Variants in FHAD1 observed in about 807,000 individuals in gnomAD.
FHAD1 encodes the protein forkhead associated phosphopeptide binding domain 1.
Under a neutral mutation model 191.3 loss-of-function variants are expected in FHAD1, and 146 were observed. That is an observed-to-expected ratio of 0.76 (90% CI 0.67 to 0.88). The LOEUF (loss-of-function observed/expected upper bound fraction) is 0.88, where lower values mean the gene tolerates loss of function less well. Ranked by LOEUF, FHAD1 falls within the 40% of genes least tolerant of loss-of-function variation. FHAD1 has a pLI of 0.00. For missense variants in FHAD1, 1,635 were observed against 1,785.8 expected (o/e 0.92, Z 1.52); for synonymous variants, 616 against 672.3 (o/e 0.92, Z 1.29).
chr1:15,374,655 G>C (rs1194760523), intron 27 of FHAD1, 24 bp downstream of exon 27: 2 of 1,550,036 alleles, frequency 1.3e-6, no homozygotes, highest in Middle Eastern at 1.9e-4. Flanking sequence ...TTCCTAGTCA[G>C]AGCAGTGGAC....
chr1:15,300,012 C>T (rs540882696), intron 5 of FHAD1, among the ~76,000 whole-genome samples: 2 of 152,362 alleles, frequency 1.3e-5, no homozygotes, highest in South Asian at 2.1e-4. Context: ...GGCCTAGAAA[C>T]TGCCCACCCG....
At chr1:15,342,104 G>T (rs1013253913) in intron 16 of FHAD1, among the ~76,000 whole-genome samples, 1 of 152,220 alleles carries the variant, frequency 6.6e-6, no homozygotes, top group Non-Finnish European at 1.5e-5. Flanking sequence ...AAGGCAGCAT[G>T]ATTGAAATTT....
chr1:15,253,494 A>G (rs991627020), intron 2 of FHAD1, among the ~76,000 whole-genome samples: 5 of 152,164 alleles, frequency 3.3e-5, no homozygotes, highest in African/African-American at 9.7e-5. Context: ...TCTTTCATGA[A>G]TACTTTGTAG....
chr1:15,401,895 CA>C (rs1707136340), downstream of FHAD1, among the ~76,000 whole-genome samples: 1 of 152,170 alleles, frequency 6.6e-6, no homozygotes, highest in Admixed American at 6.5e-5. Context: ...TATTTTGGGC[CA>C]ATTCATGACC....
chr1:15,381,376 T>G lies in FHAD1; in HGVS notation c.3947T>G (p.Ile1316Ser). Reference protein sequence around the residue: ...QRDLDLVFDKITQLKNQLGRK... With the variant: ...QRDLDLVFDKSTQLKNQLGRK... The stretch of plus-strand genomic sequence containing the variant: ...GACCTCGACCTGGTGTTTGATAAGA[T>G]CACCCAACTCAAGAACCAGCTGGGG... The change falls in exon 30 of 34, where the codon ATC becomes AGC. Residue 1316 changes from isoleucine to serine, a missense_variant. By Grantham distance (142) the Ile-to-Ser change is moderately radical. Coordinates refer to ENST00000688493, the MANE Select transcript of FHAD1 (RefSeq NM_001391957.1). This position sits in a 1 kb window ranked among gnomAD's most constrained non-coding sequence, Gnocchi z 4.6. The G allele has an allele frequency of 6.4e-7, 1 of 1,551,694 alleles. No homozygotes were observed. Among genetic ancestry groups the G allele is most frequent in the Non-Finnish European group, 8.7e-7 (1 of 1,146,978 alleles).
intron 31 of FHAD1, among the ~76,000 whole-genome samples, chr1:15,386,811 C>G (rs11579739): frequency 0.079 from 12,041 of 151,858 alleles, 1,022 homozygotes; most frequent in African/African-American, 0.21. Flanking sequence ...ACCTCTCAAT[C>G]GTGCTCTTTT....
chr1:15,252,706 G>A (rs554725594), intron 2 of FHAD1, among the ~76,000 whole-genome samples: 2 of 152,318 alleles, frequency 1.3e-5, no homozygotes, highest in African/African-American at 2.4e-5. Flanking sequence ...AAGACCCCAT[G>A]GGACTGCCGT....
chr1:15,376,247 AC>A (rs905745498), intron 28 of FHAD1, among the ~76,000 whole-genome samples: 4 of 151,258 alleles, frequency 2.6e-5, no homozygotes, highest in African/African-American at 9.7e-5. Context: ...CCGCCACCAC[AC>A]CCGGCTAATT....
intron 2 of FHAD1, among the ~76,000 whole-genome samples, chr1:15,271,544 C>T (rs1655985222): frequency 1.3e-5 from 2 of 152,184 alleles, no homozygotes; most frequent in Non-Finnish European, 2.9e-5. Context: ...TCACACCAAG[C>T]CCCCTTTTGA....
chr1:15,388,163 G>C (rs1474210070), intron 32 of FHAD1, 32 bp downstream of exon 32: 4 of 1,248,578 alleles, frequency 3.2e-6, no homozygotes, highest in Non-Finnish European at 3.2e-6. Context: ...TGCAGACACA[G>C]AGTAGAGACA....
rs548188217 is a variant in FHAD1, at chr1:15,289,642, C to G, written c.544C>G (p.Arg182Gly). The G allele has an allele frequency of 2.6e-6, 4 of 1,550,138 alleles. No individual in the cohort carries two copies. The highest frequency in any genetic ancestry group is 3.5e-6 in the Non-Finnish European group (4 of 1,145,706). The change falls in exon 4 of 34, where the codon CGC (arginine) becomes GGC (glycine). Residue 182 changes from arginine to glycine, a missense_variant. Arg to Gly is a moderately radical substitution (Grantham distance 125). Coordinates refer to ENST00000688493, the MANE Select transcript of FHAD1 (RefSeq NM_001391957.1). The surrounding 1 kb of genome is among the most constrained non-coding windows in gnomAD (Gnocchi z 4.2). ...GTTCTCGTTCGTGGTGGACGACGCC[C>G]GCAAGCCACCCGTCATCAAGCAAGG... ...EMFSFVVDDA[R>G]KPPVIKQVWT... is the part of the protein sequence containing the mutation.
intron 33 of FHAD1, among the ~76,000 whole-genome samples, chr1:15,393,472 G>A (rs1704888425): frequency 6.6e-6 from 1 of 150,714 alleles, no homozygotes; most frequent in Non-Finnish European, 1.5e-5. Flanking sequence ...CTGTAAAAGG[G>A]TGAGGGGCTG....
rs763547758 is a variant in FHAD1 at position 15,382,033 on chromosome 1, G to C, written c.4028G>C (p.Ser1343Thr). The C allele has an allele frequency of 6.4e-7, 1 of 1,551,956 alleles. No homozygotes were observed. The highest frequency in any genetic ancestry group is 1.4e-5 in the African/African-American group (1 of 72,992). ...YEKDVEQLRR[S>T]KVSIEMYQSQ... ...CATCTCTCCTGTGCACCCAGGCGGA[G>C]CAAAGTGTCCATTGAGATGTACCAG... Residue 1343 changes from serine to threonine, a missense_variant, in exon 31 of 34, where the codon AGC (serine) becomes ACC (threonine). Transcript: ENST00000688493.
At chr1:15,295,269 A>T (rs1666544203) in intron 4 of FHAD1, among the ~76,000 whole-genome samples, 1 of 152,132 alleles carries the variant, frequency 6.6e-6, no homozygotes, top group African/African-American at 2.4e-5. Context: ...ACTAGTTGTT[A>T]TGCTGTATTT....
chr1:15,318,597 G>A lies in FHAD1; in HGVS notation c.1365+669G>A, dbSNP rs1053346296. Among the ~76,000 whole-genome samples, 10 of 151,768 alleles carry A rather than the reference G, an allele frequency of 6.6e-5. No individual in the cohort carries two copies. Among genetic ancestry groups the A allele is most frequent in the African/African-American group, 1.9e-4 (8 of 41,250 alleles). On this transcript the variant is annotated intron_variant, in intron 10 of 33. Transcript: ENST00000688493. This position sits in a 1 kb window ranked among gnomAD's most constrained non-coding sequence, Gnocchi z 4.1. Reference sequence around the variant, plus strand: ...TGCAGCAAGCTGAGATCGTGCCACCGCACTCCAGCCTGGGCGACAGAGCAA... The same window carrying A: ...TGCAGCAAGCTGAGATCGTGCCACCACACTCCAGCCTGGGCGACAGAGCAA...
chr1:15,256,985 A>G (rs891708193), intron 2 of FHAD1, among the ~76,000 whole-genome samples: 2 of 152,234 alleles, frequency 1.3e-5, no homozygotes, highest in African/African-American at 4.8e-5. Flanking sequence ...CACAGGAGTG[A>G]TCTAACACAA....
chr1:15,285,055 C>G (rs1369565541), intron 3 of FHAD1, among the ~76,000 whole-genome samples: 1 of 152,214 alleles, frequency 6.6e-6, no homozygotes, highest in Non-Finnish European at 1.5e-5. Flanking sequence ...TGAGCTCAGC[C>G]AGGAGCCAGT....
At chr1:15,388,737 A>G (rs565381962) in intron 32 of FHAD1, among the ~76,000 whole-genome samples, 67 of 152,244 alleles carry the variant, frequency 4.4e-4, no homozygotes, top group Middle Eastern at 3.4e-3. Flanking sequence ...GTCACAGTTC[A>G]CAGTGTCCAT....
upstream of FHAD1, among the ~76,000 whole-genome samples, chr1:15,244,772 A>C (rs1645802217): frequency 6.9e-6 from 1 of 144,118 alleles, no homozygotes; most frequent in Non-Finnish European, 1.5e-5. The surrounding 1 kb of genome is among the most constrained non-coding windows in gnomAD (Gnocchi z 5.1). Flanking sequence ...GGAGGGAGAC[A>C]CAATAAATAA....
Sources: allele counts gnomAD v4.1 joint callset (sites outside exome capture counted in the v4.1 genomes callset), GRCh38; gene constraint gnomAD v4.1.1; non-coding constraint Gnocchi (gnomAD v3.1); transcripts MANE v1.5; gene names NCBI Gene and HGNC (gene_info 2026-07-23, HGNC 2026-07-21).